The following COL5A2 variants were observed in gnomAD, a reference collection of about 807,000 sequenced individuals.
COL5A2 encodes collagen alpha-2(V) chain.
A neutral mutation model predicts 208.2 loss-of-function variants in COL5A2; 23 were observed. That is an observed-to-expected ratio of 0.11 (90% confidence interval 0.08 to 0.16). The LOEUF (loss-of-function observed/expected upper bound fraction) is 0.16, where lower values mean the gene tolerates loss of function less well. Ranked by LOEUF, COL5A2 falls within the 10% of genes least tolerant of loss-of-function variation. The pLI is 1.00. For synonymous variants in COL5A2, 625 were observed against 628.5 expected (o/e 0.99, Z 0.08); for missense variants, 1,590 against 1,956.4 (o/e 0.81, Z 3.53).
chr2:189,431,472 T>C, the COL5A2 span, among the ~76,000 whole-genome samples: 1 of 152,102 alleles, frequency 6.6e-6, no homozygotes, highest in Non-Finnish European at 1.5e-5. Context: ...AATGGCTAAC[T>C]AGAATAAACA....
At chr2:189,326,530 G>C in the COL5A2 span, among the ~76,000 whole-genome samples, 8 of 151,770 alleles carry the variant, frequency 5.3e-5, no homozygotes, top group Non-Finnish European at 7.4e-5. Context: ...GTCTCTACAA[G>C]AAATAAGAAA....
chr2:189,083,866 A>G, intron 12 of COL5A2, 118 bp downstream of exon 12: 1 of 798,676 alleles, frequency 1.3e-6, no homozygotes, highest in Non-Finnish European at 2.2e-6. Flanking sequence ...TACGGAAACA[A>G]ACAATGCTGT....
chr2:189,324,382 T>C, the COL5A2 span, among the ~76,000 whole-genome samples: 2 of 152,176 alleles, frequency 1.3e-5, no homozygotes, highest in African/African-American at 2.4e-5. Flanking sequence ...ACAGGCAACC[T>C]ACAGAATGGG....
chr2:189,064,003 G>A lies in COL5A2; in HGVS notation c.1747C>T (p.Pro583Ser). 1.2e-6 allele frequency: 2 copies of A among 1,613,262 alleles called. No homozygotes were observed. Among genetic ancestry groups the A allele is most frequent in the South Asian group, 1.1e-5 (1 of 91,048 alleles). ...GLTGNPGVQG[P>S]EGKLGPLGAP... The stretch of plus-strand genomic sequence containing the variant: ...ACCAAAGGTCCAAGTTTTCCTTCAG[G>A]ACCTTGAACACCAGGATTTCCTGTC... Residue 583 changes from proline to serine, a missense_variant, in exon 26 of 54, where the codon CCT (proline) becomes TCT (serine). Pro to Ser is a moderately conservative substitution (Grantham distance 74, BLOSUM62 -1). Transcript: ENST00000374866.
intron 1 of COL5A2, among the ~76,000 whole-genome samples, chr2:189,146,371 T>C (rs1688040457): frequency 6.6e-6 from 1 of 152,122 alleles, no homozygotes; most frequent in Non-Finnish European, 1.5e-5. Flanking sequence ...GGATAAAGTA[T>C]AAATAAGGTG....
At chr2:189,232,016 G>A in the COL5A2 span, among the ~76,000 whole-genome samples, 1 of 151,726 alleles carries the variant, frequency 6.6e-6, no homozygotes, top group Non-Finnish European at 1.5e-5. Context: ...GGCATGGCAG[G>A]AAAGTGGCAG....
In COL5A2 at chr2:189,088,683, A is replaced by AT. The variant is rs1165785354; in HGVS notation, c.645+11dup. The AT allele has an allele frequency of 6.2e-7, 1 of 1,608,728 alleles. No individual in the cohort carries two copies. The highest frequency in any genetic ancestry group is 8.5e-7 in the Non-Finnish European group (1 of 1,175,178). Reference sequence around the variant, plus strand: ...CTGAAGTACTTCAATGATCAGTAAAATTTATGCTTACCACAGAGCCAGGCA... The same window carrying AT: ...CTGAAGTACTTCAATGATCAGTAAAATTTTATGCTTACCACAGAGCCAGGCA... On this transcript the variant is annotated intron_variant, in intron 8 of 53. Transcript: ENST00000374866.
the COL5A2 span, among the ~76,000 whole-genome samples, chr2:189,252,512 CA>C: frequency 2.6e-3 from 388 of 151,330 alleles, no homozygotes; most frequent in Middle Eastern, 0.034. Context: ...ATCGCAAGGA[CA>C]AAAAAACCAA....
At chr2:189,369,293 C>T in the COL5A2 span, among the ~76,000 whole-genome samples, 4 of 152,062 alleles carry the variant, frequency 2.6e-5, no homozygotes, top group Non-Finnish European at 1.5e-5. Flanking sequence ...TCACTACCCT[C>T]CAACAATCTT....
At chr2:189,316,404 T>C in the COL5A2 span, among the ~76,000 whole-genome samples, 1,391 of 152,056 alleles carry the variant, frequency 9.1e-3, 70 homozygotes, top group Admixed American at 0.071. Context: ...TGGGAGCTCA[T>C]GCAGGGTTTA....
the COL5A2 span, among the ~76,000 whole-genome samples, chr2:189,345,995 A>G: frequency 4.6e-5 from 7 of 152,362 alleles, 1 homozygote; most frequent in East Asian, 1.3e-3. Flanking sequence ...TAGAAAGGTA[A>G]CAAGTTCTCC....
the COL5A2 span, among the ~76,000 whole-genome samples, chr2:189,267,558 G>A: frequency 5.3e-5 from 8 of 152,000 alleles, no homozygotes; most frequent in Non-Finnish European, 8.8e-5. Flanking sequence ...TTCATGTAAC[G>A]TACCCATCAT....
intron 12 of COL5A2, 98 bp downstream of exon 12, chr2:189,083,886 T>A: frequency 1.1e-6 from 1 of 906,538 alleles, no homozygotes; most frequent in Non-Finnish European, 1.8e-6. Flanking sequence ...TTTGTCTCCA[T>A]TTACTTAGTG....
chr2:189,186,559 G>A (rs1221525752), intron 1 of COL5A2, among the ~76,000 whole-genome samples: 1 of 152,048 alleles, frequency 6.6e-6, no homozygotes, highest in East Asian at 1.9e-4. Context: ...AAACTAATTT[G>A]CATCAAATTG....
At chr2:189,405,892 G>A in the COL5A2 span, among the ~76,000 whole-genome samples, 7 of 152,102 alleles carry the variant, frequency 4.6e-5, 1 homozygote, top group South Asian at 1.2e-3. Flanking sequence ...GATCCTTTAG[G>A]AACTTTGTTT....
chr2:189,386,995 C>T, the COL5A2 span, among the ~76,000 whole-genome samples: 1 of 151,960 alleles, frequency 6.6e-6, no homozygotes, highest in Non-Finnish European at 1.5e-5. Context: ...GATCATTCCA[C>T]CAAAAGGATA....
chr2:189,210,387 TCG>T (rs1689197273), intron 1 of COL5A2, among the ~76,000 whole-genome samples: 1 of 151,846 alleles, frequency 6.6e-6, no homozygotes, highest in Non-Finnish European at 1.5e-5. Flanking sequence ...AGTCATATTT[TCG>T]TCTGTTTTCA....
At chr2:189,100,744 A>G (rs953082125) in intron 3 of COL5A2, among the ~76,000 whole-genome samples, 1 of 151,958 alleles carries the variant, frequency 6.6e-6, no homozygotes, top group Non-Finnish European at 1.5e-5. Context: ...AAATCTAGGA[A>G]AAAAAATCAA....
At chr2:189,345,447 G>A in the COL5A2 span, among the ~76,000 whole-genome samples, 1 of 152,114 alleles carries the variant, frequency 6.6e-6, no homozygotes, top group Non-Finnish European at 1.5e-5. Flanking sequence ...GATCATGTGG[G>A]GGAGAAAATA....
Sources: gnomAD v4.1 joint callset for allele counts (sites outside exome capture counted in the v4.1 genomes callset) on GRCh38, gnomAD v4.1.1 for gene constraint, MANE v1.5 for transcripts, NCBI Gene and HGNC (gene_info 2026-07-23, HGNC 2026-07-21) for gene names.